Variants in NFIB observed in about 807,000 individuals in gnomAD.
NFIB encodes the protein nuclear factor 1 B-type.
NFIB carries 11 observed loss-of-function variants against 61.5 expected under a neutral mutation model. The ratio of observed to expected loss-of-function variants is 0.18; its 90% CI spans 0.11 to 0.30. The LOEUF (loss-of-function observed/expected upper bound fraction) is 0.30, where lower values mean the gene tolerates loss of function less well. Ranked by LOEUF, NFIB falls within the 10% of genes least tolerant of loss-of-function variation. The probability of loss-of-function intolerance (pLI) is 1.00; values close to 1 mark genes in which losing one functional copy is unlikely to be tolerated. For synonymous variants in NFIB, 260 were observed against 216.5 expected (o/e 1.20, Z -1.76); for missense variants, 471 against 608.9 (o/e 0.77, Z 2.38).
chr9:14,454,792 C>T, the NFIB span, among the ~76,000 whole-genome samples: 1,338 of 152,302 alleles, frequency 8.8e-3, 9 homozygotes, highest in Admixed American at 0.011. Context: ...ACATGCCTTG[C>T]TTTGACCAAT....
At chr9:14,104,467 G>A (rs2036253472) in intron 10 of NFIB, among the ~76,000 whole-genome samples, 1 of 151,316 alleles carries the variant, frequency 6.6e-6, no homozygotes, top group African/African-American at 2.4e-5. Flanking sequence ...AAAGTACAAT[G>A]AAAACAATCA....
chr9:14,520,255 A>T, the NFIB span, among the ~76,000 whole-genome samples: 900 of 152,348 alleles, frequency 5.9e-3, 14 homozygotes, highest in African/African-American at 0.021. Flanking sequence ...AATAGTAATT[A>T]TGAACTACAC....
the NFIB span, among the ~76,000 whole-genome samples, chr9:14,428,107 C>T: frequency 3.3e-5 from 5 of 151,130 alleles, no homozygotes; most frequent in East Asian, 2.0e-4. Flanking sequence ...CACCGTACCT[C>T]GCTAATTTTT....
At chr9:14,251,099 A>C (rs2055553266) in intron 2 of NFIB, among the ~76,000 whole-genome samples, 1 of 152,218 alleles carries the variant, frequency 6.6e-6, no homozygotes, top group Admixed American at 6.5e-5. Context: ...AGCAAACTAG[A>C]AACCTCAAGA....
At chr9:14,359,426 C>T (rs905663571) in intron 1 of NFIB, among the ~76,000 whole-genome samples, 1 of 152,048 alleles carries the variant, frequency 6.6e-6, no homozygotes, top group Non-Finnish European at 1.5e-5. Flanking sequence ...CCACACAGGC[C>T]GAGATTGCAG....
At chr9:14,091,749 T>C (rs1205592872) in intron 10 of NFIB, among the ~76,000 whole-genome samples, 3 of 151,822 alleles carry the variant, frequency 2.0e-5, no homozygotes, top group Non-Finnish European at 4.4e-5. Context: ...CTTTAGAAAA[T>C]ATAAAGTAGA....
At chr9:14,452,496 G>GGAAAGGAAAA in the NFIB span, among the ~76,000 whole-genome samples, 512 of 134,034 alleles carry the variant, frequency 3.8e-3, 43 homozygotes, top group African/African-American at 7.6e-3. Flanking sequence ...GGAAAGGAAA[G>GGAAAGGAAAA]GAAAGGAAAG....
At chr9:14,317,967 A>G (rs1236684482), upstream of NFIB, among the ~76,000 whole-genome samples, 5 of 152,328 alleles carry the variant, frequency 3.3e-5, no homozygotes, top group Admixed American at 6.5e-5. Context: ...TTCTGATAGT[A>G]TCAAAATGGG....
At chr9:14,436,915 G>C in the NFIB span, among the ~76,000 whole-genome samples, 1 of 151,548 alleles carries the variant, frequency 6.6e-6, no homozygotes, top group Non-Finnish European at 1.5e-5. Context: ...TAATATATGA[G>C]CTGGCACCCC....
intron 6 of NFIB, among the ~76,000 whole-genome samples, chr9:14,130,668 T>G (rs2040295701): frequency 6.6e-6 from 1 of 151,846 alleles, no homozygotes; most frequent in South Asian, 2.1e-4. Flanking sequence ...AATATGCTAC[T>G]TGGGAAGAGA....
chr9:14,184,077 G>A (rs142642006), intron 2 of NFIB, among the ~76,000 whole-genome samples: 5 of 124,028 alleles, frequency 4.0e-5, no homozygotes, highest in East Asian at 5.0e-4. Flanking sequence ...TCAATCTCTC[G>A]TGGCTCTTCT....
the NFIB span, among the ~76,000 whole-genome samples, chr9:14,483,174 T>C: frequency 6.6e-6 from 1 of 152,214 alleles, no homozygotes; most frequent in Admixed American, 6.5e-5. Flanking sequence ...AGAATTGTTA[T>C]GTTTCTAAAA....
At chr9:14,182,222 C>A (rs2046857600) in intron 2 of NFIB, among the ~76,000 whole-genome samples, 1 of 152,156 alleles carries the variant, frequency 6.6e-6, no homozygotes, top group South Asian at 2.1e-4. Context: ...TGAAGTAGAC[C>A]CTAAATTTGA....
At chr9:14,459,975 C>A in the NFIB span, among the ~76,000 whole-genome samples, 34 of 152,096 alleles carry the variant, frequency 2.2e-4, no homozygotes, top group African/African-American at 6.5e-4. Flanking sequence ...CCTCAGGGAT[C>A]TAGAACTAGA....
At position 14,259,935 on chromosome 9, in the gene NFIB, C is replaced by G. The variant is rs906068302; in HGVS notation, c.562+47054G>C. 2.0e-5 allele frequency among the ~76,000 whole-genome samples: 3 copies of G among 152,056 alleles called. No homozygotes were observed. The East Asian group carries it at 5.8e-4, about 29-fold the overall frequency. On this transcript the variant is annotated intron_variant, in intron 2 of 10. Transcript: ENST00000380953. ...CAAAACGAAACGAAACAAAACAAAA[C>G]TATTGGTGAAAAACAGATATTTTAG...
the NFIB span, among the ~76,000 whole-genome samples, chr9:14,410,246 A>G: frequency 6.6e-6 from 1 of 151,986 alleles, no homozygotes; most frequent in East Asian, 1.9e-4. Flanking sequence ...CAAATGACCA[A>G]GCAGATTCTG....
Position 14,088,341 on chromosome 9 carries a change from G to A in NFIB, c.1468-15C>T, listed in dbSNP as rs754831007. ...AGGTACCAGGACTGTTGAGAGGAGA[G>A]AGGCAGCAGGGAGGGAAGAAAAAAG... On this transcript the variant is annotated splice_polypyrimidine_tract_variant and intron_variant, in intron 10 of 10. Transcript: ENST00000380953. The A allele has an allele frequency of 2.7e-6, 4 of 1,508,512 alleles. No individual in the cohort carries two copies. The highest frequency in any genetic ancestry group is 3.6e-6 in the Non-Finnish European group (4 of 1,119,314). The allele number at this position is 1,508,512 out of a possible 1,614,324, so 93.4% of individuals were successfully genotyped here. A position where few individuals can be genotyped will look rare whatever the true frequency, so the allele number is the denominator to read the frequency against.
chr9:14,352,701 G>T (rs946603991), intron 1 of NFIB, among the ~76,000 whole-genome samples: 2 of 152,314 alleles, frequency 1.3e-5, no homozygotes, highest in East Asian at 3.9e-4. Flanking sequence ...AGATTTCACT[G>T]CTTATCTCTC....
At chr9:14,278,314 T>C (rs1194111186) in intron 2 of NFIB, among the ~76,000 whole-genome samples, 3 of 152,230 alleles carry the variant, frequency 2.0e-5, no homozygotes, top group Non-Finnish European at 2.9e-5. Context: ...AAGGACCAAA[T>C]GTTGACAGTG....
Sources: gnomAD v4.1 joint callset for allele counts (sites outside exome capture counted in the v4.1 genomes callset) on GRCh38, gnomAD v4.1.1 for gene constraint, MANE v1.5 for transcripts, NCBI Gene and HGNC (gene_info 2026-07-23, HGNC 2026-07-21) for gene names.